DNM1: variants seen among roughly 807,000 people sequenced by gnomAD.
DNM1 encodes the protein dynamin 1, also known as dynamin-1.
A neutral mutation model predicts 104.6 loss-of-function variants in DNM1; 29 were observed. That is an observed-to-expected ratio of 0.28 (90% confidence interval 0.21 to 0.38). The LOEUF is 0.38. Ranked by LOEUF, DNM1 falls within the 10% of genes least tolerant of loss-of-function variation. The pLI is 1.00. For synonymous variants in DNM1, 445 were observed against 475.8 expected (o/e 0.94, Z 0.84); for missense variants, 640 against 1,189.4 (o/e 0.54, Z 6.79).
Position 128,222,397 on chromosome 9 carries a change from C to T in DNM1, c.992+58C>T. The T allele has an allele frequency of 6.2e-7, 1 of 1,609,308 alleles. No homozygotes were observed. On this transcript the variant is annotated intron_variant, in intron 7 of 21. Coordinates refer to ENST00000372923, the MANE Select transcript of DNM1 (RefSeq NM_004408.4). This position sits in a 1 kb window ranked among gnomAD's most constrained non-coding sequence, Gnocchi z 7.8. Reference sequence around the variant, plus strand: ...CCGCCCCCAGCCTCTCAGCGTGGGGCTCTCCCAGGGTTCCCTTTGCTGGGC... The same window carrying T: ...CCGCCCCCAGCCTCTCAGCGTGGGGTTCTCCCAGGGTTCCCTTTGCTGGGC...
chr9:128,203,454 CG>C lies in DNM1; in HGVS notation c.-13del. The C allele has an allele frequency of 6.8e-7, 1 of 1,461,988 alleles. No homozygotes were observed. The highest frequency in any genetic ancestry group is 1.3e-5 in the South Asian group (1 of 76,842). 90.6% of individuals were successfully genotyped at this position (1,461,988 alleles called of 1,614,324 possible). A position where few individuals can be genotyped will look rare whatever the true frequency, so the allele number is the denominator to read the frequency against. On this transcript the variant is annotated 5_prime_UTR_variant, in exon 1 of 22. Coordinates refer to ENST00000372923, the MANE Select transcript of DNM1 (RefSeq NM_004408.4). The surrounding 1 kb of genome is among the most constrained non-coding windows in gnomAD (Gnocchi z 5.3). The stretch of plus-strand genomic sequence containing the variant: ...CTAGCGGCAGCCGGATCGCAGCCTG[CG>C]GGGCCCGCCGCAGCCATGGGCAACC...
intron 1 of DNM1, among the ~76,000 whole-genome samples, chr9:128,212,907 T>A (rs1834386975): frequency 6.6e-6 from 1 of 152,196 alleles, no homozygotes; most frequent in African/African-American, 2.4e-5. Flanking sequence ...AAAAGAAATC[T>A]TGTGCTGATG....
intron 1 of DNM1, among the ~76,000 whole-genome samples, chr9:128,217,745 C>T (rs1403639399): frequency 6.6e-6 from 1 of 152,170 alleles, no homozygotes; most frequent in African/African-American, 2.4e-5. Flanking sequence ...CCACCTCCTT[C>T]CCCACTCTTC....
At chr9:128,235,706 G>A (rs1274406243) in intron 11 of DNM1, among the ~76,000 whole-genome samples, 1 of 151,992 alleles carries the variant, frequency 6.6e-6, no homozygotes, top group Non-Finnish European at 1.5e-5. Flanking sequence ...GCCATAGGCT[G>A]GTTCTATGCT....
intron 10 of DNM1, among the ~76,000 whole-genome samples, chr9:128,229,627 T>C (rs1038898380): frequency 2.9e-5 from 4 of 136,858 alleles, no homozygotes; most frequent in Admixed American, 2.9e-4. Context: ...AAAAAAAGCT[T>C]GGCCAGGTGC....
intron 11 of DNM1, among the ~76,000 whole-genome samples, chr9:128,235,699 A>G (rs1350696007): frequency 1.3e-5 from 2 of 152,050 alleles, no homozygotes; most frequent in African/African-American, 4.8e-5. Flanking sequence ...ATGCTGGGCC[A>G]TAGGCTGGTT....
chr9:128,251,632 A>ACCCCCCCCCC (rs200535768), intron 21 of DNM1: 6 of 120,774 alleles, frequency 5.0e-5, no homozygotes, highest in Admixed American at 4.0e-4. Flanking sequence ...CCTCCCCCCA[A>ACCCCCCCCCC]CCACCCCCTC....
At position 128,220,648 on chromosome 9, in the gene DNM1, C is replaced by T. The variant is rs979283336; in HGVS notation, c.849+307C>T. ...TTGGGGGCCAGGATTCAAGTATACT[C>T]GGCTGAAGACCTTGACAGGGAATCC... On this transcript the variant is annotated intron_variant, in intron 6 of 21. Transcript: ENST00000372923. This position sits in a 1 kb window ranked among gnomAD's most constrained non-coding sequence, Gnocchi z 5.2. Among the ~76,000 whole-genome samples, 4 of 151,650 alleles carry T rather than the reference C, an allele frequency of 2.6e-5. No individual in the cohort carries two copies. The highest frequency in any genetic ancestry group is 2.1e-4 in the South Asian group (1 of 4,754).
chr9:128,208,708 A>G (rs1422413200), intron 1 of DNM1, among the ~76,000 whole-genome samples: 1 of 150,970 alleles, frequency 6.6e-6, no homozygotes, highest in Non-Finnish European at 1.5e-5. Context: ...CTTGCGGCTG[A>G]TCGGGGCAGA....
At chr9:128,232,136 A>C (rs553396919) in intron 10 of DNM1, 4 of 439,430 alleles carry the variant, frequency 9.1e-6, no homozygotes, top group South Asian at 6.4e-5. Flanking sequence ...TTAGTGGGAG[A>C]ATTGGTCATG....
chr9:128,247,541 C>A lies in DNM1; in HGVS notation c.1893+55C>A. 1 of 1,364,910 alleles carries A rather than the reference C, an allele frequency of 7.3e-7. No homozygotes were observed. The highest frequency in any genetic ancestry group is 1.0e-6 in the Non-Finnish European group (1 of 969,484). 84.5% of individuals were successfully genotyped at this position (1,364,910 alleles called of 1,614,324 possible). ...AAGCATGATCCTAGGGCCCCTGGGGCACCATCCTCAGTGATGCCAAGTCAT... is the reference window on the plus strand; with the variant it reads ...AAGCATGATCCTAGGGCCCCTGGGGAACCATCCTCAGTGATGCCAAGTCAT... On this transcript the variant is annotated intron_variant, in intron 17 of 21. Transcript: ENST00000372923. This position sits in a 1 kb window ranked among gnomAD's most constrained non-coding sequence, Gnocchi z 5.1.
At position 128,224,925 on chromosome 9, in the gene DNM1, G is replaced by A. The variant is rs764375767; in HGVS notation, c.1335+536G>A. ...CTCACTCAGGACCCTCACACAGGAT[G>A]CTCACGTAAGACCCTCACTCAGGGC... On this transcript the variant is annotated intron_variant, in intron 10 of 21. Coordinates refer to ENST00000372923, the MANE Select transcript of DNM1 (RefSeq NM_004408.4). This position sits in a 1 kb window ranked among gnomAD's most constrained non-coding sequence, Gnocchi z 4.3. Among the ~76,000 whole-genome samples the A allele has an allele frequency of 2.6e-5, 4 of 152,098 alleles. No homozygotes were observed. Among genetic ancestry groups the A allele is most frequent in the Non-Finnish European group, 5.9e-5 (4 of 68,014 alleles).
Position 128,203,694 on chromosome 9 carries a change from G to A in DNM1, c.161+63G>A. 4 of 1,372,500 alleles carry A rather than the reference G, an allele frequency of 2.9e-6. No individual in the cohort carries two copies. Among genetic ancestry groups the A allele is most frequent in the East Asian group, 3.1e-5 (1 of 31,978 alleles). The allele number at this position is 1,372,500 out of a possible 1,614,324, so 85.0% of individuals were successfully genotyped here. The stretch of plus-strand genomic sequence containing the variant: ...CCCGGGATCCCTGGAGTCCCCGCCC[G>A]GGGCACTGACGGCGCGGCGACCTCG... On this transcript the variant is annotated intron_variant, in intron 1 of 21. Transcript: ENST00000372923. This position sits in a 1 kb window ranked among gnomAD's most constrained non-coding sequence, Gnocchi z 5.3.
At chr9:128,209,190 C>A (rs539151330) in intron 1 of DNM1, among the ~76,000 whole-genome samples, 1 of 152,190 alleles carries the variant, frequency 6.6e-6, no homozygotes, top group South Asian at 2.1e-4. Flanking sequence ...GTGGAGCACA[C>A]CCCTGGGGCT....
Position 128,222,214 on chromosome 9 carries a change from C to T in DNM1, c.867C>T (p.Ile289=), listed in dbSNP as rs1564332336. The T allele has an allele frequency of 6.2e-7, 1 of 1,613,796 alleles. No individual in the cohort carries two copies. The highest frequency in any genetic ancestry group is 8.5e-7 in the Non-Finnish European group (1 of 1,179,786). ...ACCCCCAGCAACTGACGAACCACATCCGGGACACACTGCCGGGGCTGCGGA... is the reference window on the plus strand; with the variant it reads ...ACCCCCAGCAACTGACGAACCACATTCGGGACACACTGCCGGGGCTGCGGA... ...KVLNQQLTNH[I]RDTLPGLRNK... The change falls in exon 7 of 22, where the codon ATC becomes ATT. Residue 289 remains isoleucine, a synonymous_variant. Coordinates refer to ENST00000372923, the MANE Select transcript of DNM1 (RefSeq NM_004408.4). This position sits in a 1 kb window ranked among gnomAD's most constrained non-coding sequence, Gnocchi z 7.8.
chr9:128,205,369 AT>A (rs1268447515), intron 1 of DNM1, among the ~76,000 whole-genome samples: 1 of 152,150 alleles, frequency 6.6e-6, no homozygotes, highest in Non-Finnish European at 1.5e-5. Flanking sequence ...CATCCCATGC[AT>A]CCCCCTATGC....
chr9:128,230,537 G>A (rs1371390650), intron 10 of DNM1, among the ~76,000 whole-genome samples: 2 of 150,508 alleles, frequency 1.3e-5, no homozygotes, highest in South Asian at 2.1e-4. Flanking sequence ...TGCAACCTCC[G>A]CCATCCAGGT....
At chr9:128,216,877 G>A (rs1834637006) in intron 1 of DNM1, among the ~76,000 whole-genome samples, 1 of 152,182 alleles carries the variant, frequency 6.6e-6, no homozygotes, top group African/African-American at 2.4e-5. Context: ...GGCGCTGGCT[G>A]TGTCTCAATG....
In DNM1 at chr9:128,218,763, G is replaced by A; in HGVS notation, c.385+32G>A. 6.4e-7 allele frequency: 1 copy of A among 1,565,058 alleles called. No individual in the cohort carries two copies. The highest frequency in any genetic ancestry group is 2.3e-5 in the East Asian group (1 of 43,970). On this transcript the variant is annotated intron_variant, in intron 3 of 21. Transcript: ENST00000372923. This position sits in a 1 kb window ranked among gnomAD's most constrained non-coding sequence, Gnocchi z 4.8. ...ACCCTGGCCCCGCCCTAACCTCTAA[G>A]AATCATTTTCTTGGCCACGCACCTC...
Sources: allele counts gnomAD v4.1 joint callset (sites outside exome capture counted in the v4.1 genomes callset), GRCh38; gene constraint gnomAD v4.1.1; non-coding constraint Gnocchi (gnomAD v3.1); transcripts MANE v1.5; gene names NCBI Gene and HGNC (gene_info 2026-07-23, HGNC 2026-07-21).